The following PAG1 variants were observed in gnomAD, a reference collection of about 807,000 sequenced individuals.
PAG1 encodes phosphoprotein membrane anchor with glycosphingolipid microdomains 1.
A neutral mutation model predicts 31.7 loss-of-function variants in PAG1; 23 were observed. The observed-to-expected ratio is 0.73, with a 90% CI of 0.52 to 1.03. The LOEUF is 1.03. PAG1 is among the 50% of genes least tolerant of loss of function. The pLI is 0.00. For synonymous variants in PAG1, 214 were observed against 210.3 expected, an observed-to-expected ratio of 1.02 and a Z score of -0.15; for missense variants, 473 against 540.7, an observed-to-expected ratio of 0.87 and a Z score of 1.24.
intron 1 of PAG1, among the ~76,000 whole-genome samples, chr8:81,086,737 T>C (rs935137509): frequency 1.3e-5 from 2 of 152,174 alleles, no homozygotes; most frequent in East Asian, 1.9e-4. Context: ...TTCCACCTCA[T>C]TGGCAGCCAG....
chr8:81,023,628 GGA>G (rs1002223101), intron 3 of PAG1, among the ~76,000 whole-genome samples: 1 of 151,876 alleles, frequency 6.6e-6, no homozygotes. Context: ...AGAAAAAAAG[GGA>G]GAGAGAGGGA....
At position 80,973,529 on chromosome 8, in the gene PAG1, TCTTA is replaced by T. The variant is rs904912494; in HGVS notation, c.*3011_*3014del. 3.9e-5 allele frequency: 6 copies of T among 152,190 alleles called. No homozygotes were observed. The highest frequency in any genetic ancestry group is 1.4e-4 in the African/African-American group (6 of 41,446). The allele number at this position is 152,190 out of a possible 1,614,324, so 9.4% of individuals were successfully genotyped here. Reference sequence around the variant, plus strand: ...CTTTTAACTGAGATAGATTTATAATTCTTACTTACAAGATAAAAAAATTTCCTAA... The same window carrying T: ...CTTTTAACTGAGATAGATTTATAATTCTTACAAGATAAAAAAATTTCCTAA... On this transcript the variant is annotated 3_prime_UTR_variant, in exon 9 of 9. Transcript: ENST00000220597.
At chr8:80,989,081 G>A (rs946877551) in intron 5 of PAG1, among the ~76,000 whole-genome samples, 5 of 152,146 alleles carry the variant, frequency 3.3e-5, no homozygotes, top group Non-Finnish European at 5.9e-5. Flanking sequence ...TTTGCTAGTT[G>A]GCCTCACAAA....
chr8:81,053,061 C>T (rs1808758748), intron 2 of PAG1, among the ~76,000 whole-genome samples: 1 of 152,020 alleles, frequency 6.6e-6, no homozygotes, highest in South Asian at 2.1e-4. Flanking sequence ...ATTGTAAATT[C>T]ATAAAAGAGA....
intron 2 of PAG1, among the ~76,000 whole-genome samples, chr8:81,059,407 T>C (rs903661051): frequency 1.3e-5 from 2 of 152,242 alleles, no homozygotes; most frequent in Middle Eastern, 3.4e-3. Flanking sequence ...TTTATAAAAT[T>C]CAAATATGCC....
chr8:81,083,571 T>TC (rs1404332363), intron 1 of PAG1, among the ~76,000 whole-genome samples: 1 of 152,162 alleles, frequency 6.6e-6, no homozygotes, highest in Non-Finnish European at 1.5e-5. Context: ...CATTTTTTTT[T>TC]CTGTGGGGCT....
intron 3 of PAG1, among the ~76,000 whole-genome samples, chr8:80,994,606 G>C (rs901148479): frequency 1.3e-5 from 2 of 152,172 alleles, no homozygotes; most frequent in South Asian, 2.1e-4. Context: ...AGACTCCAAA[G>C]CCTGTGCTCT....
intron 3 of PAG1, among the ~76,000 whole-genome samples, chr8:80,998,789 G>A (rs995749674): frequency 7.2e-5 from 11 of 152,164 alleles, no homozygotes; most frequent in Non-Finnish European, 4.4e-5. Context: ...GCAGGTCTAG[G>A]TCAGTAATGA....
intron 1 of PAG1, among the ~76,000 whole-genome samples, chr8:81,074,878 T>TTTG (rs1365738059): frequency 6.6e-6 from 1 of 152,190 alleles, no homozygotes; most frequent in Non-Finnish European, 1.5e-5. Flanking sequence ...CAGCTCCACT[T>TTTG]TAAGTCGCTC....
intron 2 of PAG1, among the ~76,000 whole-genome samples, chr8:81,068,338 G>A (rs568155108): frequency 5.3e-5 from 8 of 152,278 alleles, no homozygotes; most frequent in South Asian, 4.1e-4. Context: ...TCATAAAGTC[G>A]CTACTATTAC....
rs1466910934 is a variant in PAG1 at position 80,969,430 on chromosome 8, T to C, written c.*7114A>G. Reference sequence around the variant, plus strand: ...GTCTTTCAGGGAAGCCTTCACTACCTAAATGAGGAGCTAAAGATTAAAAAA... The same window carrying C: ...GTCTTTCAGGGAAGCCTTCACTACCCAAATGAGGAGCTAAAGATTAAAAAA... On this transcript the variant is annotated 3_prime_UTR_variant, in exon 9 of 9. Coordinates refer to ENST00000220597, the MANE Select transcript of PAG1 (RefSeq NM_018440.4). 2 of 152,108 alleles carry C rather than the reference T, an allele frequency of 1.3e-5. No homozygotes were observed. The highest frequency in any genetic ancestry group is 4.8e-5 in the African/African-American group (2 of 41,410). 9.4% of individuals were successfully genotyped at this position (152,108 alleles called of 1,614,324 possible).
At chr8:81,029,446 A>C (rs16908371) in intron 3 of PAG1, among the ~76,000 whole-genome samples, 4,451 of 152,082 alleles carry the variant, frequency 0.029, 207 homozygotes, top group African/African-American at 0.1. Context: ...TTCATGAAGC[A>C]TTCCTCACAA....
chr8:81,038,842 G>A (rs561111225), intron 2 of PAG1, among the ~76,000 whole-genome samples: 1 of 152,248 alleles, frequency 6.6e-6, no homozygotes, highest in Non-Finnish European at 1.5e-5. Context: ...TAGTTTCTCT[G>A]AAGGAAAGTA....
At chr8:81,004,341 T>C (rs974049523) in intron 3 of PAG1, among the ~76,000 whole-genome samples, 4 of 152,220 alleles carry the variant, frequency 2.6e-5, no homozygotes, top group Non-Finnish European at 5.9e-5. Flanking sequence ...AAAGCTTCTC[T>C]GTTTCTCTTA....
chr8:81,110,180 C>T (rs1467366383), intron 1 of PAG1, among the ~76,000 whole-genome samples: 1 of 152,174 alleles, frequency 6.6e-6, no homozygotes, highest in African/African-American at 2.4e-5. Flanking sequence ...TACATTAAAA[C>T]ATACCCCTGA....
chr8:81,053,554 T>C (rs1808766896), intron 2 of PAG1, among the ~76,000 whole-genome samples: 1 of 152,210 alleles, frequency 6.6e-6, no homozygotes. Context: ...AATACTAGAA[T>C]GATCAGCATT....
chr8:81,094,163 T>C (rs562396392), intron 1 of PAG1, among the ~76,000 whole-genome samples: 1 of 152,244 alleles, frequency 6.6e-6, no homozygotes, highest in East Asian at 1.9e-4. Flanking sequence ...CCTCTCTACC[T>C]ATACCCCAGG....
At chr8:81,086,497 G>A (rs1366099154) in intron 1 of PAG1, among the ~76,000 whole-genome samples, 3 of 151,882 alleles carry the variant, frequency 2.0e-5, no homozygotes, top group African/African-American at 7.3e-5. Flanking sequence ...AGAAATGTGT[G>A]TGTGTGTGCG....
intron 7 of PAG1, among the ~76,000 whole-genome samples, chr8:80,983,691 C>T (rs924797782): frequency 6.6e-6 from 1 of 152,194 alleles, no homozygotes; most frequent in Non-Finnish European, 1.5e-5. Context: ...GGTTAGACAA[C>T]TCAACGTCTT....
Sources: gnomAD v4.1 joint callset for allele counts (sites outside exome capture counted in the v4.1 genomes callset) on GRCh38, gnomAD v4.1.1 for gene constraint, MANE v1.5 for transcripts, NCBI Gene and HGNC (gene_info 2026-07-23, HGNC 2026-07-21) for gene names.